TMEM233: variants seen among roughly 807,000 people sequenced by gnomAD.
TMEM233 encodes dispanin subfamily B member 2.
TMEM233 carries 6 observed loss-of-function variants against 11.2 expected under a neutral mutation model. The ratio of observed to expected loss-of-function variants is 0.54; its 90% CI spans 0.29 to 1.06. The LOEUF is 1.06. TMEM233 is among the 50% of genes least tolerant of loss of function. TMEM233 has a pLI of 0.08. For missense variants in TMEM233, 127 were observed against 144.7 expected (o/e 0.88, Z 0.63); for synonymous variants, 59 against 55.8 (o/e 1.06, Z -0.26).
downstream of TMEM233, among the ~76,000 whole-genome samples, chr12:119,646,469 G>A (rs73221259): frequency 9.6e-3 from 1,463 of 152,250 alleles, 20 homozygotes; most frequent in Non-Finnish European, 0.012. Context: ...AGTCTAAAAC[G>A]GGTCTTGCTG....
chr12:119,642,757 C>T lies in TMEM233; in HGVS notation c.*2052C>T, dbSNP rs1955102449. ...GGCGGGGAGAATTCTAAGTACTATA[C>T]CAATACAAATTTCAGCATTTTTTCA... On this transcript the variant is annotated 3_prime_UTR_variant, in exon 3 of 3. Coordinates refer to ENST00000426426, the MANE Select transcript of TMEM233 (RefSeq NM_001136534.3). 1 of 151,308 alleles carries T rather than the reference C, an allele frequency of 6.6e-6. No individual in the cohort carries two copies. Among genetic ancestry groups the T allele is most frequent in the Non-Finnish European group, 1.5e-5 (1 of 67,958 alleles). The allele number at this position is 151,308 out of a possible 1,614,324, so 9.4% of individuals were successfully genotyped here. A position where few individuals can be genotyped will look rare whatever the true frequency, so the allele number is the denominator to read the frequency against.
In TMEM233 at chr12:119,634,184, A is replaced by C. The variant is rs571375400; in HGVS notation, c.323+4312A>C. The C allele has an allele frequency of 4.0e-5, 38 of 940,052 alleles. No homozygotes were observed. In the East Asian group the frequency reaches 3.5e-3, roughly 86 times the overall value. 58.2% of individuals were successfully genotyped at this position (940,052 alleles called of 1,614,324 possible). The stretch of plus-strand genomic sequence containing the variant: ...AATGAAGTTGCCACCTAGCAGGTCT[A>C]CCCACAGGGAGCCTCCTTTGTAACA... On this transcript the variant is annotated intron_variant, in intron 2 of 2. Coordinates refer to ENST00000426426, the MANE Select transcript of TMEM233 (RefSeq NM_001136534.3).
At chr12:119,638,454 C>A (rs1050583792) in intron 2 of TMEM233, among the ~76,000 whole-genome samples, 1 of 151,958 alleles carries the variant, frequency 6.6e-6, no homozygotes, top group African/African-American at 2.4e-5. Context: ...CAGAGCAAGA[C>A]CCTGTCTCAA....
intron 2 of TMEM233, among the ~76,000 whole-genome samples, chr12:119,640,362 T>C (rs1253140908): frequency 3.3e-5 from 5 of 152,138 alleles, no homozygotes; most frequent in African/African-American, 1.2e-4. Context: ...TTCACCATGT[T>C]AGCCAGGATG....
At chr12:119,597,025 C>G (rs1954063072) in intron 1 of TMEM233, among the ~76,000 whole-genome samples, 2 of 152,210 alleles carry the variant, frequency 1.3e-5, no homozygotes, top group African/African-American at 4.8e-5. Context: ...GTCCTACACC[C>G]TTCCTGTTGC....
At chr12:119,601,880 A>G (rs1954175430) in intron 1 of TMEM233, among the ~76,000 whole-genome samples, 1 of 152,198 alleles carries the variant, frequency 6.6e-6, no homozygotes, top group African/African-American at 2.4e-5. Context: ...GTAAGTCAAG[A>G]AAAGGACACA....
At chr12:119,626,803 T>C (rs908031507) in intron 1 of TMEM233, among the ~76,000 whole-genome samples, 4 of 152,222 alleles carry the variant, frequency 2.6e-5, no homozygotes, top group African/African-American at 9.6e-5. Context: ...AAAGATGCCC[T>C]CAAAAACTTC....
At chr12:119,643,595 A>G (rs1204942485), downstream of TMEM233, among the ~76,000 whole-genome samples, 1 of 151,826 alleles carries the variant, frequency 6.6e-6, no homozygotes. Flanking sequence ...AGTGAAACCC[A>G]GTCTCTACTA....
intron 1 of TMEM233, among the ~76,000 whole-genome samples, chr12:119,600,436 TAAAATA>T: frequency 8.2e-6 from 1 of 121,522 alleles, no homozygotes; most frequent in African/African-American, 3.1e-5. Flanking sequence ...GCTGAAAAAA[TAAAATA>T]AAAATAGAGA....
the TMEM233 span, among the ~76,000 whole-genome samples, chr12:119,652,786 T>C: frequency 2.0e-5 from 3 of 152,214 alleles, no homozygotes; most frequent in East Asian, 3.8e-4. Flanking sequence ...AAGAACTGCA[T>C]TGATCAGTGC....
downstream of TMEM233, among the ~76,000 whole-genome samples, chr12:119,647,270 C>T (rs1955166293): frequency 6.6e-6 from 1 of 152,096 alleles, no homozygotes; most frequent in African/African-American, 2.4e-5. Context: ...AGTCTTTAAC[C>T]CCCAATCACA....
chr12:119,647,609 T>C (rs1593319414), downstream of TMEM233, among the ~76,000 whole-genome samples: 2 of 152,118 alleles, frequency 1.3e-5, no homozygotes, highest in African/African-American at 4.8e-5. Context: ...AATCCAAACT[T>C]TTTTTTATTT....
rs1487507460 is a variant in TMEM233 at position 119,597,470 on chromosome 12, A to G, written c.186+3436A>G. On this transcript the variant is annotated intron_variant, in intron 1 of 2. Transcript: ENST00000426426. Reference sequence around the variant, plus strand: ...CAAAATAATTAGTTTCCAGAATGGTAAAAAAAAAAAGAGCCAACAATCTCA... The same window carrying G: ...CAAAATAATTAGTTTCCAGAATGGTGAAAAAAAAAAGAGCCAACAATCTCA... Among the ~76,000 whole-genome samples, 4 of 60,824 alleles carry G rather than the reference A, an allele frequency of 6.6e-5. No individual in the cohort carries two copies. The Admixed American group carries it at 6.9e-4, about 10-fold the overall frequency. The allele number at this position is 60,824 out of a possible 152,430, so 39.9% of individuals were successfully genotyped here.
chr12:119,639,250 C>A (rs79097302), intron 2 of TMEM233, among the ~76,000 whole-genome samples: 1,631 of 152,154 alleles, frequency 0.011, 31 homozygotes, highest in African/African-American at 0.037. Context: ...CTGTTTCCCC[C>A]CTACTGGCAT....
At chr12:119,634,265 G>A (rs1029458962) in intron 2 of TMEM233, 2 of 985,272 alleles carry the variant, frequency 2.0e-6, no homozygotes, top group Non-Finnish European at 2.4e-6. Flanking sequence ...GAAGCCTGAA[G>A]ATGAGCCCAA....
intron 1 of TMEM233, among the ~76,000 whole-genome samples, chr12:119,605,654 C>A (rs1205209382): frequency 6.6e-6 from 1 of 152,020 alleles, no homozygotes; most frequent in Non-Finnish European, 1.5e-5. Context: ...GTCTTGAACT[C>A]CTGTGCTCAA....
intron 1 of TMEM233, among the ~76,000 whole-genome samples, chr12:119,622,378 T>G (rs541380978): frequency 2.6e-5 from 4 of 152,316 alleles, no homozygotes; most frequent in Admixed American, 1.3e-4. Flanking sequence ...TTAGTAATTT[T>G]TAAAAGAACA....
chr12:119,651,907 T>C, the TMEM233 span, among the ~76,000 whole-genome samples: 1 of 151,858 alleles, frequency 6.6e-6, no homozygotes, highest in African/African-American at 2.4e-5. Flanking sequence ...TGAAAATTTC[T>C]GTACCCAAGT....
At chr12:119,598,824 T>C (rs1404118446) in intron 1 of TMEM233, among the ~76,000 whole-genome samples, 1 of 152,220 alleles carries the variant, frequency 6.6e-6, no homozygotes, top group African/African-American at 2.4e-5. Context: ...GGGGTTGTGA[T>C]AGTATTTACC....
Sources: gnomAD v4.1 joint callset for allele counts (sites outside exome capture counted in the v4.1 genomes callset) on GRCh38, gnomAD v4.1.1 for gene constraint, MANE v1.5 for transcripts, NCBI Gene and HGNC (gene_info 2026-07-23, HGNC 2026-07-21) for gene names.